Variants in PCCA observed in about 807,000 individuals in gnomAD.
The protein encoded by PCCA is propionyl-CoA carboxylase alpha chain, mitochondrial.
Under a neutral mutation model 101.3 loss-of-function variants are expected in PCCA, and 74 were observed. The observed-to-expected ratio is 0.73, with a 90% confidence interval of 0.61 to 0.89. PCCA has a LOEUF of 0.89. PCCA is among the 40% of genes least tolerant of loss of function. The probability of loss-of-function intolerance (pLI) is 0.00; values close to 1 mark genes in which losing one functional copy is unlikely to be tolerated. For synonymous variants in PCCA, 294 were observed against 313.6 expected (o/e 0.94, Z 0.66); for missense variants, 891 against 907.0 (o/e 0.98, Z 0.23).
intron 21 of PCCA, among the ~76,000 whole-genome samples, chr13:100,487,111 C>G (rs948496183): frequency 5.3e-5 from 8 of 152,018 alleles, no homozygotes; most frequent in Admixed American, 5.2e-4. Flanking sequence ...TTAAAAGTAG[C>G]TGAAATGAAA....
chr13:100,470,878 A>G (rs1247651521), intron 21 of PCCA, among the ~76,000 whole-genome samples: 1 of 152,060 alleles, frequency 6.6e-6, no homozygotes, highest in Non-Finnish European at 1.5e-5. Flanking sequence ...AAATAAAAAA[A>G]CTTTTCATAT....
intron 18 of PCCA, among the ~76,000 whole-genome samples, chr13:100,368,059 A>C (rs1055863403): frequency 6.6e-6 from 1 of 152,202 alleles, no homozygotes; most frequent in Non-Finnish European, 1.5e-5. Context: ...AAGTAGAATA[A>C]TGTAGAGAGG....
At chr13:100,193,207 T>G (rs1364839649) in intron 6 of PCCA, among the ~76,000 whole-genome samples, 2 of 152,218 alleles carry the variant, frequency 1.3e-5, no homozygotes, top group Admixed American at 1.3e-4. Context: ...GGTTTGTGTC[T>G]TAGTCTTATC....
intron 7 of PCCA, among the ~76,000 whole-genome samples, chr13:100,234,965 T>C (rs1199842766): frequency 6.6e-6 from 1 of 152,026 alleles, no homozygotes; most frequent in Non-Finnish European, 1.5e-5. Flanking sequence ...ACATTATCTT[T>C]ATTGTTATTT....
At chr13:100,525,586 A>G (rs2087731867) in intron 22 of PCCA, among the ~76,000 whole-genome samples, 1 of 152,274 alleles carries the variant, frequency 6.6e-6, no homozygotes, top group Admixed American at 6.5e-5. Flanking sequence ...TCATATTTGC[A>G]GTTGAGTTGC....
intron 18 of PCCA, among the ~76,000 whole-genome samples, chr13:100,354,119 T>TAATAAA (rs1463043522): frequency 2.4e-3 from 332 of 137,144 alleles, no homozygotes; most frequent in African/African-American, 6.9e-3. Flanking sequence ...ATAATAATAA[T>TAATAAA]AAAATAATTC....
chr13:100,307,357 A>G, intron 15 of PCCA, 97 bp downstream of exon 15: 1 of 845,682 alleles, frequency 1.2e-6, no homozygotes, highest in Admixed American at 2.1e-5. Context: ...CATAAGCTAT[A>G]ATTAAACAAC....
chr13:100,452,130 CCTCT>C (rs1271990020), intron 21 of PCCA, among the ~76,000 whole-genome samples: 3 of 127,044 alleles, frequency 2.4e-5, no homozygotes, highest in Non-Finnish European at 3.4e-5. Flanking sequence ...TCTTCCTCTC[CCTCT>C]CTCTCCTCTT....
intron 18 of PCCA, among the ~76,000 whole-genome samples, chr13:100,356,162 T>G (rs923127144): frequency 5.9e-5 from 9 of 152,158 alleles, no homozygotes; most frequent in African/African-American, 2.2e-4. Flanking sequence ...AACAAAATTC[T>G]TAGAGAAAAA....
intron 20 of PCCA, among the ~76,000 whole-genome samples, chr13:100,429,705 C>T (rs1046995365): frequency 6.6e-6 from 1 of 151,942 alleles, no homozygotes; most frequent in Non-Finnish European, 1.5e-5. Context: ...CTTTCGGGTT[C>T]AAGCGATTCT....
intron 20 of PCCA, among the ~76,000 whole-genome samples, chr13:100,435,689 C>T (rs7336260): frequency 1.3e-3 from 195 of 152,276 alleles, no homozygotes; most frequent in African/African-American, 4.5e-3. Context: ...AATTGGACAA[C>T]ATGTCCAGCA....
At chr13:100,295,279 C>G (rs896082325) in intron 12 of PCCA, among the ~76,000 whole-genome samples, 1 of 152,114 alleles carries the variant, frequency 6.6e-6, no homozygotes, top group Non-Finnish European at 1.5e-5. Context: ...CAACAAACTA[C>G]AAAGACAGAG....
chr13:100,090,736 T>C (rs911823948), intron 1 of PCCA, among the ~76,000 whole-genome samples: 13 of 152,240 alleles, frequency 8.5e-5, no homozygotes, highest in Non-Finnish European at 1.5e-4. Flanking sequence ...TAGATACTGT[T>C]CTGTTGCTTT....
At chr13:100,387,987 A>G (rs1292832868) in intron 19 of PCCA, among the ~76,000 whole-genome samples, 2 of 152,242 alleles carry the variant, frequency 1.3e-5, no homozygotes, top group African/African-American at 4.8e-5. Flanking sequence ...TGTAATTAAG[A>G]CTTCAAGTGA....
chr13:100,289,045 A>G (rs2064921584), intron 12 of PCCA, among the ~76,000 whole-genome samples: 1 of 152,150 alleles, frequency 6.6e-6, no homozygotes, highest in Non-Finnish European at 1.5e-5. Flanking sequence ...CATCATACTG[A>G]AGTATATGTC....
At chr13:100,201,269 T>G (rs2058470958) in intron 6 of PCCA, among the ~76,000 whole-genome samples, 1 of 152,120 alleles carries the variant, frequency 6.6e-6, no homozygotes, top group Admixed American at 6.6e-5. Flanking sequence ...TGATATCTCT[T>G]TTGTCATTTT....
chr13:100,225,989 G>T (rs1223539160), intron 7 of PCCA, among the ~76,000 whole-genome samples: 1 of 152,024 alleles, frequency 6.6e-6, no homozygotes, highest in African/African-American at 2.4e-5. Flanking sequence ...ATAGGGTTTT[G>T]CCATGTTGCC....
At chr13:100,245,777 CT>C (rs1005980087) in intron 8 of PCCA, among the ~76,000 whole-genome samples, 15 of 152,158 alleles carry the variant, frequency 9.9e-5, no homozygotes, top group Admixed American at 6.5e-5. Flanking sequence ...TTGCTATTCT[CT>C]TTGTTTAAGG....
intron 4 of PCCA, chr13:100,150,597 G>A: frequency 8.4e-7 from 1 of 1,192,088 alleles, no homozygotes; most frequent in Non-Finnish European, 1.2e-6. Flanking sequence ...CTTTTGGCCT[G>A]CAGATGTCAG....
Sources: allele counts gnomAD v4.1 joint callset (sites outside exome capture counted in the v4.1 genomes callset), GRCh38; gene constraint gnomAD v4.1.1; transcripts MANE v1.5; gene names NCBI Gene and HGNC (gene_info 2026-07-23, HGNC 2026-07-21).